The following STON2 variants were observed in gnomAD, a reference collection of about 807,000 sequenced individuals.
The protein encoded by STON2 is stonin-2.
A neutral mutation model predicts 65.7 loss-of-function variants in STON2; 29 were observed. The observed-to-expected ratio is 0.44, with a 90% confidence interval of 0.33 to 0.60. STON2 has a LOEUF of 0.60. Among genes scored for constraint, STON2 ranks in the 20% least tolerant of loss-of-function variants. STON2 has a pLI of 0.03. For synonymous variants in STON2, 404 were observed against 414.2 expected, an observed-to-expected ratio of 0.98 and a Z score of 0.30; for missense variants, 1,054 against 1,118.1, an observed-to-expected ratio of 0.94 and a Z score of 0.82.
At chr14:81,285,292 T>A (rs1425053733) in intron 5 of STON2, among the ~76,000 whole-genome samples, 4 of 152,224 alleles carry the variant, frequency 2.6e-5, no homozygotes, top group Non-Finnish European at 5.9e-5. Flanking sequence ...CAAACATCTG[T>A]GATTCATGAG....
intron 4 of STON2, among the ~76,000 whole-genome samples, chr14:81,339,712 T>G (rs984625690): frequency 2.0e-5 from 3 of 152,096 alleles, no homozygotes; most frequent in Non-Finnish European, 4.4e-5. Context: ...CAAGAAGGAG[T>G]GGCTTACCTG....
At chr14:81,412,313 T>A (rs1384342007) in intron 2 of STON2, among the ~76,000 whole-genome samples, 3 of 139,432 alleles carry the variant, frequency 2.2e-5, no homozygotes. Flanking sequence ...AGAAAAGAGA[T>A]GATGGTGGCC....
rs550281211 is a variant in STON2 at position 81,277,309 on chromosome 14, C to T, written c.2173G>A (p.Asp725Asn). 6.1e-4 allele frequency: 982 copies of T among 1,614,180 alleles called. 14 individuals are homozygous for T. In the South Asian group the frequency reaches 9.8e-3, roughly 16 times the overall value. Reference sequence around the variant, plus strand: ...CGCATTAGCTCAAACCGGCACGCATCCAAAGGGTTGAACAGAATGACCCGT... The same window carrying T: ...CGCATTAGCTCAAACCGGCACGCATTCAAAGGGTTGAACAGAATGACCCGT... The part of the protein sequence containing the change: ...NSRVILFNPL[D>N]ACRFELMRFR... Residue 725 changes from aspartate to asparagine, a missense_variant, in exon 6 of 8, where the codon GAT becomes AAT. Asp to Asn is a conservative substitution (Grantham distance 23). Transcript: ENST00000614646.
intron 2 of STON2, among the ~76,000 whole-genome samples, chr14:81,413,761 A>G (rs1040558424): frequency 7.2e-6 from 1 of 139,468 alleles, no homozygotes; most frequent in African/African-American, 3.0e-5. Context: ...ACGCCATTGC[A>G]CTCCAGCCTG....
At chr14:81,288,836 C>T (rs1273052623) in intron 5 of STON2, among the ~76,000 whole-genome samples, 1 of 151,420 alleles carries the variant, frequency 6.6e-6, no homozygotes, top group African/African-American at 2.5e-5. Context: ...GGGGGGTCTC[C>T]ATTCTTACTG....
intron 3 of STON2, among the ~76,000 whole-genome samples, chr14:81,378,686 A>G (rs1899369601): frequency 6.6e-6 from 1 of 152,224 alleles, no homozygotes; most frequent in Admixed American, 6.5e-5. Context: ...GCTATTCTGT[A>G]TACAACAAAA....
At chr14:81,353,410 T>C (rs1259229779) in intron 4 of STON2, among the ~76,000 whole-genome samples, 1 of 152,048 alleles carries the variant, frequency 6.6e-6, no homozygotes, top group Non-Finnish European at 1.5e-5. Flanking sequence ...GGTCCCAGCT[T>C]CACCACCCCC....
At chr14:81,378,107 A>C (rs1899339354) in intron 3 of STON2, among the ~76,000 whole-genome samples, 1 of 152,126 alleles carries the variant, frequency 6.6e-6, no homozygotes, top group African/African-American at 2.4e-5. Context: ...TGGCCTCCCA[A>C]AGTGCTGGGA....
rs529375455 is a variant in STON2 at position 81,298,743 on chromosome 14, A to G, written c.743-20004T>C. 1.6e-4 allele frequency among the ~76,000 whole-genome samples: 24 copies of G among 152,346 alleles called. No homozygotes were observed. In the South Asian group the frequency reaches 4.4e-3, roughly 28 times the overall value. On this transcript the variant is annotated intron_variant, in intron 5 of 7. Coordinates refer to ENST00000614646, the MANE Select transcript of STON2 (RefSeq NM_001394390.1). Reference sequence around the variant, plus strand: ...TTAAAGGATCAACAGAGAAATCCTTAGTCACCCACCACGAAATGGTTTGTG... The same window carrying G: ...TTAAAGGATCAACAGAGAAATCCTTGGTCACCCACCACGAAATGGTTTGTG...
intron 4 of STON2, among the ~76,000 whole-genome samples, chr14:81,364,421 G>A (rs761437439): frequency 2.0e-4 from 30 of 152,134 alleles, no homozygotes; most frequent in Non-Finnish European, 4.0e-4. Flanking sequence ...CAGGTAGTTT[G>A]TCAAAATATT....
chr14:81,326,178 C>T (rs1037767242), intron 4 of STON2, among the ~76,000 whole-genome samples: 2 of 152,118 alleles, frequency 1.3e-5, no homozygotes, highest in Admixed American at 1.3e-4. Flanking sequence ...ATTTTTGCCA[C>T]GCTGTGTTCC....
At chr14:81,436,457 T>C (rs1411154094) in exon 1 of STON2, 2 of 151,600 alleles carry the variant, frequency 1.3e-5, no homozygotes, top group African/African-American at 4.8e-5. Context: ...CGACGCCGGC[T>C]CCAGACTCGA....
chr14:81,361,230 A>T (rs1405346694), intron 4 of STON2, among the ~76,000 whole-genome samples: 1 of 152,196 alleles, frequency 6.6e-6, no homozygotes, highest in Non-Finnish European at 1.5e-5. Flanking sequence ...AGTTGGAGGT[A>T]TCACACCATA....
chr14:81,306,573 T>C (rs888060896), intron 5 of STON2: 1 of 152,102 alleles, frequency 6.6e-6, no homozygotes, highest in African/African-American at 2.4e-5. Context: ...TTTTAATATA[T>C]GGCACTAAGC....
At chr14:81,308,810 ATATATATATATATATG>A (rs1324469907) in intron 5 of STON2, among the ~76,000 whole-genome samples, 360 of 9,650 alleles carry the variant, frequency 0.037, 18 homozygotes, top group African/African-American at 0.12. Flanking sequence ...ATATATATAT[ATATATATATATATATG>A]TGTGTGTGTG....
At position 81,277,525 on chromosome 14, in the gene STON2, A is replaced by C; in HGVS notation, c.1957T>G (p.Leu653Val). ...GDNQILQHHVLTRIHILSFLS... is the reference protein window; with the variant it reads ...GDNQILQHHVVTRIHILSFLS... The stretch of plus-strand genomic sequence containing the variant: ...AAACTCAGGATGTGGATCCGTGTCA[A>C]GACATGGTGCTGGAGAATCTGGTTG... The change falls in exon 6 of 8, where the codon TTG becomes GTG. Residue 653 changes from leucine (L) to valine (V), a missense_variant. Physicochemically the swap from Leu to Val is conservative, Grantham distance 32. Coordinates refer to ENST00000614646, the MANE Select transcript of STON2 (RefSeq NM_001394390.1). 6.2e-7 allele frequency: 1 copy of C among 1,614,214 alleles called. No individual in the cohort carries two copies. Among genetic ancestry groups the C allele is most frequent in the South Asian group, 1.1e-5 (1 of 91,084 alleles).
At chr14:81,364,000 C>A (rs1167329887) in intron 4 of STON2, among the ~76,000 whole-genome samples, 1 of 152,140 alleles carries the variant, frequency 6.6e-6, no homozygotes, top group Non-Finnish European at 1.5e-5. Context: ...TAAATAATGA[C>A]GAGAACCTTT....
intron 4 of STON2, among the ~76,000 whole-genome samples, chr14:81,337,503 G>A (rs1482298855): frequency 6.6e-6 from 1 of 152,152 alleles, no homozygotes; most frequent in Non-Finnish European, 1.5e-5. Flanking sequence ...GAGTAAAGAG[G>A]TAGAGAAGAA....
At position 81,327,860 on chromosome 14, in the gene STON2, C is replaced by T. The variant is rs73339709; in HGVS notation, c.572-3673G>A. On this transcript the variant is annotated intron_variant, in intron 4 of 7. Transcript: ENST00000614646. ...ATAACAACAAGTGGAAAACACCATT[C>T]AGAAACCTTCAGTCAAAGAGTGGTG... 9.6e-3 allele frequency among the ~76,000 whole-genome samples: 1,458 copies of T among 152,234 alleles called. 33 individuals carry two copies. The highest frequency in any genetic ancestry group is 0.033 in the African/African-American group (1,377 of 41,542).
Sources: gnomAD v4.1 joint callset for allele counts (sites outside exome capture counted in the v4.1 genomes callset) on GRCh38, gnomAD v4.1.1 for gene constraint, MANE v1.5 for transcripts, NCBI Gene and HGNC (gene_info 2026-07-23, HGNC 2026-07-21) for gene names.